ZNF385D: variants seen among roughly 807,000 people sequenced by gnomAD.
ZNF385D encodes the protein zinc finger protein 385D, also known as zinc finger protein 659.
ZNF385D carries 15 observed loss-of-function variants against 35.8 expected under a neutral mutation model. The observed-to-expected ratio is 0.42, with a 90% confidence interval of 0.28 to 0.64. ZNF385D has a LOEUF of 0.64. Among genes scored for constraint, ZNF385D ranks in the 30% least tolerant of loss-of-function variants. The pLI is 0.23. For synonymous variants in ZNF385D, 212 were observed against 186.8 expected, an observed-to-expected ratio of 1.13 and a Z score of -1.10; for missense variants, 474 against 494.6, an observed-to-expected ratio of 0.96 and a Z score of 0.39.
chr3:22,284,629 T>G (rs76340379), intron 2 of ZNF385D, among the ~76,000 whole-genome samples: 1 of 151,898 alleles, frequency 6.6e-6, no homozygotes, highest in African/African-American at 2.4e-5. Context: ...AAAGTACAGC[T>G]GTAACTGAAA....
At chr3:22,096,465 A>G (rs1468467627) in intron 3 of ZNF385D, among the ~76,000 whole-genome samples, 1 of 152,072 alleles carries the variant, frequency 6.6e-6, no homozygotes, top group African/African-American at 2.4e-5. Flanking sequence ...TCAAAATTTG[A>G]TTTAAAAATA....
At chr3:22,222,039 C>T (rs1420865668) in intron 2 of ZNF385D, among the ~76,000 whole-genome samples, 1 of 151,736 alleles carries the variant, frequency 6.6e-6, no homozygotes, top group African/African-American at 2.4e-5. Context: ...TGCAGTGGTG[C>T]GATCTCAGCT....
chr3:22,159,815 T>C (rs1705831548), intron 3 of ZNF385D, among the ~76,000 whole-genome samples: 1 of 152,104 alleles, frequency 6.6e-6, no homozygotes, highest in Non-Finnish European at 1.5e-5. Context: ...AATATCTGCA[T>C]TTTTTCATGG....
intron 3 of ZNF385D, among the ~76,000 whole-genome samples, chr3:22,127,693 AATCT>A (rs1433381347): frequency 2.6e-5 from 4 of 151,986 alleles, no homozygotes; most frequent in Admixed American, 2.6e-4. Context: ...ATTATCTTAT[AATCT>A]ATTATTTTAA....
chr3:21,895,795 T>C lies in ZNF385D; in HGVS notation c.326-230767A>G, dbSNP rs147740777. On this transcript the variant is annotated intron_variant, in intron 3 of 5. Transcript: ENST00000494108. The stretch of plus-strand genomic sequence containing the variant: ...GAGCTAAATGATAAAAGAAAGTGAA[T>C]AGTAGTTTGCAAGATGGAAATATGC... Among the ~76,000 whole-genome samples the C allele has an allele frequency of 5.0e-3, 765 of 152,072 alleles. 6 individuals are homozygous for C. Among genetic ancestry groups the C allele is most frequent in the African/African-American group, 0.018 (728 of 41,482 alleles).
intron 3 of ZNF385D, among the ~76,000 whole-genome samples, chr3:22,144,650 G>C (rs896022676): frequency 6.9e-6 from 1 of 144,700 alleles, no homozygotes; most frequent in Non-Finnish European, 1.5e-5. Context: ...GCAAATTTAA[G>C]TTAGTCATCA....
intron 3 of ZNF385D, among the ~76,000 whole-genome samples, chr3:22,062,283 G>A (rs1044798821): frequency 2.0e-5 from 3 of 151,932 alleles, no homozygotes; most frequent in Non-Finnish European, 4.4e-5. Context: ...TTAAACTCTC[G>A]GGATCAAGCA....
At chr3:22,092,609 G>A (rs1701390861) in intron 3 of ZNF385D, among the ~76,000 whole-genome samples, 1 of 152,054 alleles carries the variant, frequency 6.6e-6, no homozygotes. Flanking sequence ...AGACCCTCTT[G>A]CTTCTATTAT....
intron 3 of ZNF385D, among the ~76,000 whole-genome samples, chr3:22,037,217 G>A (rs2125495956): frequency 6.8e-6 from 1 of 148,142 alleles, no homozygotes; most frequent in Non-Finnish European, 1.5e-5. Flanking sequence ...AATCCTTTGG[G>A]TATATACCCA....
intron 3 of ZNF385D, among the ~76,000 whole-genome samples, chr3:22,038,083 T>A (rs923584787): frequency 6.6e-6 from 1 of 152,160 alleles, no homozygotes; most frequent in African/African-American, 2.4e-5. Flanking sequence ...TAATTCAAGA[T>A]GGATTAAAGA....
intron 3 of ZNF385D, among the ~76,000 whole-genome samples, chr3:22,007,067 A>AT (rs1696255303): frequency 6.6e-6 from 1 of 152,138 alleles, no homozygotes; most frequent in Non-Finnish European, 1.5e-5. Context: ...ACTTATTAAT[A>AT]TTTTTGAAAA....
chr3:21,604,380 T>C (rs888480502), intron 2 of ZNF385D, among the ~76,000 whole-genome samples: 9 of 151,994 alleles, frequency 5.9e-5, no homozygotes, highest in Non-Finnish European at 7.4e-5. Flanking sequence ...GCGCTGAAAA[T>C]TTTTGGTTTT....
chr3:21,484,241 G>A (rs1381069186), intron 4 of ZNF385D, among the ~76,000 whole-genome samples: 1 of 152,164 alleles, frequency 6.6e-6, no homozygotes, highest in African/African-American at 2.4e-5. Flanking sequence ...AGGTTGCCAT[G>A]AGGCATCACA....
chr3:22,166,165 G>A (rs1332976277), intron 3 of ZNF385D, among the ~76,000 whole-genome samples: 1 of 152,070 alleles, frequency 6.6e-6, no homozygotes, highest in African/African-American at 2.4e-5. Context: ...AGTAACCATG[G>A]TTGTTTTTCG....
intron 3 of ZNF385D, among the ~76,000 whole-genome samples, chr3:21,998,715 T>C (rs1043350032): frequency 7.9e-5 from 12 of 152,252 alleles, no homozygotes; most frequent in African/African-American, 2.9e-4. Flanking sequence ...TTGAGAATGG[T>C]ATTTTAATGT....
At chr3:21,641,278 G>C (rs2065596797) in intron 2 of ZNF385D, among the ~76,000 whole-genome samples, 1 of 151,808 alleles carries the variant, frequency 6.6e-6, no homozygotes, top group South Asian at 2.1e-4. Context: ...GGAGTACCTA[G>C]AGCAAATTTT....
Position 21,973,478 on chromosome 3 carries a change from A to C in ZNF385D, c.325+195339T>G, listed in dbSNP as rs75371546. 6.1e-3 allele frequency among the ~76,000 whole-genome samples: 923 copies of C among 152,150 alleles called. 10 individuals carry two copies. Among genetic ancestry groups the C allele is most frequent in the African/African-American group, 0.021 (884 of 41,558 alleles). On this transcript the variant is annotated intron_variant, in intron 3 of 5. Transcript: ENST00000494108. ...GCTAGTATCATATTGAACAGGGAAAAACTGACAGCTTTTCCTCTAAGATCT... is the reference window on the plus strand; with the variant it reads ...GCTAGTATCATATTGAACAGGGAAACACTGACAGCTTTTCCTCTAAGATCT...
chr3:21,548,003 C>G (rs571816249), intron 3 of ZNF385D, among the ~76,000 whole-genome samples: 6 of 152,122 alleles, frequency 3.9e-5, no homozygotes, highest in African/African-American at 9.7e-5. Flanking sequence ...GCTGTAACCT[C>G]GGGAAGTTTG....
intron 3 of ZNF385D, among the ~76,000 whole-genome samples, chr3:21,905,205 C>CAAAAAAAAAAACAAAAA (rs1699613354): frequency 2.9e-5 from 2 of 69,730 alleles, no homozygotes; most frequent in Non-Finnish European, 2.7e-5. Flanking sequence ...ACAAAAAATC[C>CAAAAAAAAAAACAAAAA]AAAAAAAAAA....
Sources: gnomAD v4.1 joint callset for allele counts (sites outside exome capture counted in the v4.1 genomes callset) on GRCh38, gnomAD v4.1.1 for gene constraint, MANE v1.5 for transcripts, NCBI Gene and HGNC (gene_info 2026-07-23, HGNC 2026-07-21) for gene names.